The following GPATCH2L variants were observed in gnomAD, a reference collection of about 807,000 sequenced individuals.
GPATCH2L encodes the protein G-patch domain containing 2 like.
GPATCH2L carries 31 observed loss-of-function variants against 57.4 expected under a neutral mutation model. The observed-to-expected ratio is 0.54, with a 90% CI of 0.41 to 0.73. The LOEUF is 0.73. GPATCH2L is among the 30% of genes least tolerant of loss of function. The probability of loss-of-function intolerance (pLI) is 0.00; values close to 1 mark genes in which losing one functional copy is unlikely to be tolerated. For missense variants in GPATCH2L, 481 were observed against 599.9 expected (o/e 0.80, Z 2.07); for synonymous variants, 199 against 210.7 (o/e 0.94, Z 0.48).
At position 76,203,663 on chromosome 14, in the gene GPATCH2L, C is replaced by G. The variant is rs557721976; in HGVS notation, c.*1812C>G. 1 of 152,422 alleles carries G rather than the reference C, an allele frequency of 6.6e-6. No homozygotes were observed. The highest frequency in any genetic ancestry group is 2.4e-5 in the African/African-American group (1 of 41,584). 9.4% of individuals were successfully genotyped at this position (152,422 alleles called of 1,614,324 possible). A position where few individuals can be genotyped will look rare whatever the true frequency, so the allele number is the denominator to read the frequency against. ...TGTGTGCTTACAGGGACTTCCCAGG[C>G]TGCACTTCCCTTCCCTGTGGGCTGC... On this transcript the variant is annotated 3_prime_UTR_variant, in exon 10 of 10. Coordinates refer to ENST00000261530, the MANE Select transcript of GPATCH2L (RefSeq NM_017926.4).
intron 8 of GPATCH2L, among the ~76,000 whole-genome samples, chr14:76,193,214 G>GTT (rs79361823): frequency 6.8e-6 from 1 of 147,358 alleles, no homozygotes; most frequent in Non-Finnish European, 1.5e-5. Flanking sequence ...TGTATAAATG[G>GTT]TTTTTTTTTT....
At chr14:76,199,817 C>G (rs929189789) in intron 9 of GPATCH2L, among the ~76,000 whole-genome samples, 1 of 152,148 alleles carries the variant, frequency 6.6e-6, no homozygotes, top group African/African-American at 2.4e-5. Context: ...TGTTTCTGTG[C>G]ATATACCCAA....
rs1351992736 is a variant in GPATCH2L at position 76,202,496 on chromosome 14, A to G, written c.*645A>G. 6.6e-6 allele frequency: 1 copy of G among 152,082 alleles called. No homozygotes were observed. Among genetic ancestry groups the G allele is most frequent in the African/African-American group, 2.4e-5 (1 of 41,124 alleles). The allele number at this position is 152,082 out of a possible 1,614,324, so 9.4% of individuals were successfully genotyped here. A position where few individuals can be genotyped will look rare whatever the true frequency, so the allele number is the denominator to read the frequency against. ...CAGCAGCTGTATTGTATTTTACCTC[A>G]TCTTCAGAGTTTATGTTCTACTGAA... On this transcript the variant is annotated 3_prime_UTR_variant, in exon 10 of 10. Coordinates refer to ENST00000261530, the MANE Select transcript of GPATCH2L (RefSeq NM_017926.4).
At chr14:76,189,016 A>G (rs2039871292) in intron 8 of GPATCH2L, among the ~76,000 whole-genome samples, 1 of 151,932 alleles carries the variant, frequency 6.6e-6, no homozygotes, top group South Asian at 2.1e-4. Context: ...GTCACTCTGC[A>G]TGTGTGGATT....
chr14:76,224,686 A>G (rs543750996), intron 1 of GPATCH2L, among the ~76,000 whole-genome samples: 39 of 152,312 alleles, frequency 2.6e-4, no homozygotes, highest in Non-Finnish European at 5.7e-4. Flanking sequence ...AACCATTGCA[A>G]TAAGGCAAGG....
intron 8 of GPATCH2L, among the ~76,000 whole-genome samples, chr14:76,186,424 C>T (rs547012968): frequency 1.3e-5 from 2 of 152,288 alleles, no homozygotes; most frequent in East Asian, 1.9e-4. Context: ...GAAGAAGACT[C>T]ACTTCATGCT....
chr14:76,227,882 G>C (rs2040542696), intron 1 of GPATCH2L, among the ~76,000 whole-genome samples: 1 of 152,156 alleles, frequency 6.6e-6, no homozygotes, highest in African/African-American at 2.4e-5. Context: ...CCCGTTGCAG[G>C]TCACCTGGTC....
intron 2 of GPATCH2L, among the ~76,000 whole-genome samples, chr14:76,231,979 C>CTGCAGCCTCACTGCAGCCTCAG (rs1207808549): frequency 6.6e-6 from 1 of 152,060 alleles, no homozygotes; most frequent in Non-Finnish European, 1.5e-5. Context: ...TGCAGCCTCA[C>CTGCAGCCTCACTGCAGCCTCAG]TGCAGCCTCA....
At chr14:76,170,680 T>C (rs1280685727) in intron 3 of GPATCH2L, 1 of 152,248 alleles carries the variant, frequency 6.6e-6, no homozygotes, top group African/African-American at 2.4e-5. Flanking sequence ...ATATATTCTT[T>C]ATTCACCTTT....
chr14:76,201,117 C>CT (rs1258588121), intron 9 of GPATCH2L, among the ~76,000 whole-genome samples: 2 of 152,144 alleles, frequency 1.3e-5, no homozygotes, highest in East Asian at 3.8e-4. Context: ...TGATTGTGCT[C>CT]TTTTTCTACC....
chr14:76,191,332 A>G (rs903507854), intron 8 of GPATCH2L, among the ~76,000 whole-genome samples: 1 of 152,064 alleles, frequency 6.6e-6, no homozygotes, highest in Admixed American at 6.6e-5. Context: ...TCCCTTCTTT[A>G]ATTTTTTATG....
In GPATCH2L at chr14:76,233,066, C is replaced by G. The variant is rs569929829; in HGVS notation, c.*117+3113C>G. On this transcript the variant is annotated intron_variant and NMD_transcript_variant, in intron 2 of 3. Coordinates refer to the GPATCH2L transcript ENST00000556372. ...CCTGCAGCAGAGTACAAAGGCCAGA[C>G]TGCTTTTTGGGTAAGGCGGATTCTT... Among the ~76,000 whole-genome samples the G allele has an allele frequency of 4.6e-5, 7 of 152,352 alleles. No individual in the cohort carries two copies. In the South Asian group the frequency reaches 1.4e-3, roughly 32 times the overall value.
intron 8 of GPATCH2L, among the ~76,000 whole-genome samples, chr14:76,183,394 A>G (rs1017400826): frequency 6.6e-6 from 1 of 152,244 alleles, no homozygotes; most frequent in South Asian, 2.1e-4. Flanking sequence ...GGCAGTAGAT[A>G]CCAAGTGGGT....
At chr14:76,201,202 G>C (rs2040302056) in intron 9 of GPATCH2L, among the ~76,000 whole-genome samples, 1 of 152,186 alleles carries the variant, frequency 6.6e-6, no homozygotes, top group African/African-American at 2.4e-5. Flanking sequence ...CAGGAAGAGC[G>C]TGGGGTTTAG....
intron 2 of GPATCH2L, among the ~76,000 whole-genome samples, chr14:76,157,450 T>G (rs1356911411): frequency 6.6e-6 from 1 of 152,258 alleles, no homozygotes; most frequent in African/African-American, 2.4e-5. Flanking sequence ...ATTTTCTACT[T>G]TATTTTTTCC....
Position 76,220,217 on chromosome 14 carries a change from A to C in GPATCH2L, c.66-9591A>C, listed in dbSNP as rs148750148. Among the ~76,000 whole-genome samples the C allele has an allele frequency of 4.9e-4, 74 of 152,318 alleles. No individual in the cohort carries two copies. The East Asian group carries it at 9.1e-3, about 19-fold the overall frequency. On this transcript the variant is annotated intron_variant and NMD_transcript_variant, in intron 1 of 3. Transcript: ENST00000556372. ...TTGGTCATTTGAGGTCATCTTAAAG[A>C]GGCTGCCTAACACATGGGTAAATAT...
At chr14:76,173,707 G>A in intron 5 of GPATCH2L, 82 bp downstream of exon 5, 1 of 902,346 alleles carries the variant, frequency 1.1e-6, no homozygotes, top group Non-Finnish European at 1.9e-6. Context: ...ACAATCAGAG[G>A]TGCTACAGAA....
intron 8 of GPATCH2L, among the ~76,000 whole-genome samples, chr14:76,190,160 T>G (rs60951491): frequency 0.11 from 17,442 of 151,948 alleles, 1,034 homozygotes; most frequent in Admixed American, 0.15. Context: ...GACATAGTGA[T>G]CTGCCCGGTT....
chr14:76,161,125 A>G (rs966266885), intron 2 of GPATCH2L, among the ~76,000 whole-genome samples: 1 of 152,212 alleles, frequency 6.6e-6, no homozygotes, highest in African/African-American at 2.4e-5. Context: ...CAGAAGTCTG[A>G]TTACAAAGGG....
Sources: allele counts gnomAD v4.1 joint callset (sites outside exome capture counted in the v4.1 genomes callset), GRCh38; gene constraint gnomAD v4.1.1; transcripts MANE v1.5; gene names NCBI Gene and HGNC (gene_info 2026-07-23, HGNC 2026-07-21).